CGGBP1: variants seen among roughly 807,000 people sequenced by gnomAD.
CGGBP1 encodes the protein CGG triplet repeat-binding protein 1.
A neutral mutation model predicts 11.4 loss-of-function variants in CGGBP1; 4 were observed. That is an observed-to-expected ratio of 0.35 (90% CI 0.17 to 0.80). The LOEUF (loss-of-function observed/expected upper bound fraction) is 0.80, where lower values mean the gene tolerates loss of function less well. CGGBP1 is among the 30% of genes least tolerant of loss of function. The pLI, the probability that CGGBP1 is intolerant of heterozygous loss-of-function variation, is 0.52. For missense variants in CGGBP1, 135 were observed against 202.1 expected, an observed-to-expected ratio of 0.67 and a Z score of 2.01; for synonymous variants, 76 against 74.1, an observed-to-expected ratio of 1.03 and a Z score of -0.13.
At chr3:88,131,351 CAT>C (rs572336523) in intron 2 of CGGBP1, among the ~76,000 whole-genome samples, 89 of 152,192 alleles carry the variant, frequency 5.8e-4, no homozygotes, top group South Asian at 1.2e-3. Context: ...CATTTTTTGA[CAT>C]GTGGTTATTT....
intron 2 of CGGBP1, among the ~76,000 whole-genome samples, chr3:88,137,858 C>T (rs1336497101): frequency 6.6e-6 from 1 of 152,022 alleles, no homozygotes; most frequent in Non-Finnish European, 1.5e-5. Flanking sequence ...GTATTCCTCC[C>T]TGTAATCTAT....
intron 2 of CGGBP1, among the ~76,000 whole-genome samples, chr3:88,117,219 T>C (rs1185565462): frequency 6.6e-6 from 1 of 152,200 alleles, no homozygotes; most frequent in East Asian, 1.9e-4. Context: ...TGTAATTTAA[T>C]TTTCAACTCA....
chr3:88,144,236 G>T (rs1223956573), intron 1 of CGGBP1: 1 of 152,200 alleles, frequency 6.6e-6, no homozygotes, highest in Non-Finnish European at 1.5e-5. Flanking sequence ...TCATTTTTTT[G>T]AAACCACCAA....
chr3:88,113,268 C>A, intron 2 of CGGBP1: 1 of 903,774 alleles, frequency 1.1e-6, no homozygotes, highest in Non-Finnish European at 1.6e-6. Flanking sequence ...CTAAATATAG[C>A]TTATTGGTTA....
chr3:88,095,804 C>T, intron 2 of CGGBP1: 1 of 442,480 alleles, frequency 2.3e-6, no homozygotes, highest in Non-Finnish European at 4.3e-6. Context: ...AAAGGCAATC[C>T]AAGTTTTTCT....
chr3:88,139,833 T>G, intron 2 of CGGBP1: 1 of 1,574,802 alleles, frequency 6.3e-7, no homozygotes, highest in Non-Finnish European at 8.6e-7. Flanking sequence ...TCAAGAAACT[T>G]CAGTAATTCA....
At chr3:88,134,930 G>T (rs540762452) in intron 2 of CGGBP1, 10 of 512,998 alleles carry the variant, frequency 1.9e-5, no homozygotes, top group African/African-American at 1.8e-4. Context: ...AAGTAGTTTG[G>T]GGGTGAACGT....
At chr3:88,082,065 C>T (rs570142082) in intron 2 of CGGBP1, among the ~76,000 whole-genome samples, 150 of 152,168 alleles carry the variant, frequency 9.9e-4, no homozygotes, top group Admixed American at 3.5e-3. Context: ...GAGTGTATCA[C>T]AGCCATTCTT....
chr3:88,076,970 A>T (rs1397590748), intron 2 of CGGBP1, among the ~76,000 whole-genome samples: 2 of 152,190 alleles, frequency 1.3e-5, no homozygotes, highest in Admixed American at 6.5e-5. Flanking sequence ...AACCTTGGCC[A>T]GGAGCTGAGA....
At chr3:88,129,788 T>C in intron 2 of CGGBP1, 1 of 1,526,910 alleles carries the variant, frequency 6.5e-7, no homozygotes, top group Non-Finnish European at 8.8e-7. Flanking sequence ...AATCCTTTCT[T>C]ATTCCACAGC....
intron 1 of CGGBP1, among the ~76,000 whole-genome samples, chr3:88,145,569 GCAA>G (rs1707296642): frequency 6.6e-6 from 1 of 152,088 alleles, no homozygotes; most frequent in Non-Finnish European, 1.5e-5. Context: ...ATTCTGGGAA[GCAA>G]CTACTACTAA....
chr3:88,066,678 C>T (rs1707220412), intron 2 of CGGBP1, among the ~76,000 whole-genome samples: 1 of 151,912 alleles, frequency 6.6e-6, no homozygotes, highest in African/African-American at 2.4e-5. Context: ...TTAGTTATAT[C>T]ATCTTTTCAC....
intron 2 of CGGBP1, among the ~76,000 whole-genome samples, chr3:88,097,590 C>A (rs1430362241): frequency 6.6e-6 from 1 of 152,066 alleles, no homozygotes; most frequent in African/African-American, 2.4e-5. Flanking sequence ...AAGTAAAACA[C>A]TCCTCAGCAA....
Position 88,128,542 on chromosome 3 carries a change from A to AT in CGGBP1, c.-229+12427dup, listed in dbSNP as rs201429875. ...TTAATGAACTGAAAGAAGAAAAAAA[A>AT]TTTTTTTTTAAATTTTGTTTCTGTT... On this transcript the variant is annotated intron_variant, in intron 2 of 3. Coordinates refer to the CGGBP1 transcript ENST00000462901. 7.8e-3 allele frequency among the ~76,000 whole-genome samples: 1,177 copies of AT among 151,844 alleles called. 13 individuals are homozygous for AT. The highest frequency in any genetic ancestry group is 0.026 in the African/African-American group (1,094 of 41,430).
At chr3:88,076,380 C>G (rs1294435487) in intron 2 of CGGBP1, among the ~76,000 whole-genome samples, 6 of 152,038 alleles carry the variant, frequency 3.9e-5, no homozygotes, top group Admixed American at 3.9e-4. Flanking sequence ...TTTTTTTTCC[C>G]CATTTTCATC....
intron 2 of CGGBP1, among the ~76,000 whole-genome samples, chr3:88,130,183 T>C (rs1706361922): frequency 1.3e-5 from 2 of 152,162 alleles, no homozygotes; most frequent in Non-Finnish European, 2.9e-5. Context: ...TGAGTGTTTT[T>C]AGGTAGCTAA....
Position 88,071,507 on chromosome 3 carries a change from G to A in CGGBP1, c.-228-13284C>T, listed in dbSNP as rs562799926. On this transcript the variant is annotated intron_variant, in intron 2 of 3. Coordinates refer to the CGGBP1 transcript ENST00000462901. ...AAAATACAAAAAAATTTGGCTGGGC[G>A]CGGTAGCGGGCGCCTGTAGTCCCAG... Among the ~76,000 whole-genome samples the A allele has an allele frequency of 2.5e-4, 38 of 152,288 alleles. No homozygotes were observed. In the East Asian group the frequency reaches 2.7e-3, roughly 11 times the overall value.
intron 2 of CGGBP1, among the ~76,000 whole-genome samples, chr3:88,067,159 A>C (rs1427424170): frequency 6.6e-6 from 1 of 152,242 alleles, no homozygotes; most frequent in African/African-American, 2.4e-5. Context: ...AGTGGTAAGC[A>C]AACAGACATT....
At chr3:88,127,310 G>A (rs1028533098) in intron 2 of CGGBP1, among the ~76,000 whole-genome samples, 21 of 152,122 alleles carry the variant, frequency 1.4e-4, no homozygotes, top group African/African-American at 4.6e-4. Context: ...GCAGTTAAGT[G>A]GAGGAGGAGC....
Sources: gnomAD v4.1 joint callset for allele counts (sites outside exome capture counted in the v4.1 genomes callset) on GRCh38, gnomAD v4.1.1 for gene constraint, MANE v1.5 for transcripts, NCBI Gene and HGNC (gene_info 2026-07-23, HGNC 2026-07-21) for gene names.